The following PCSK5 variants were observed in gnomAD, a reference collection of about 807,000 sequenced individuals.
The protein encoded by PCSK5 is proprotein convertase subtilisin/kexin type 5, also known as prohormone convertase 5.
A neutral mutation model predicts 233.2 loss-of-function variants in PCSK5; 129 were observed. The ratio of observed to expected loss-of-function variants is 0.55; its 90% CI spans 0.48 to 0.64. The LOEUF is 0.64. Among genes scored for constraint, PCSK5 ranks in the 30% least tolerant of loss-of-function variants. The pLI is 0.00. For missense variants in PCSK5, 2,076 were observed against 2,430.1 expected, an observed-to-expected ratio of 0.85 and a Z score of 3.06; for synonymous variants, 825 against 879.2, an observed-to-expected ratio of 0.94 and a Z score of 1.09.
At chr9:76,074,870 C>T (rs1007427143) in intron 7 of PCSK5, among the ~76,000 whole-genome samples, 1 of 152,132 alleles carries the variant, frequency 6.6e-6, no homozygotes, top group African/African-American at 2.4e-5. Flanking sequence ...ATACCATTTC[C>T]ACAGTGCCTA....
chr9:76,064,434 T>C (rs13287955), intron 5 of PCSK5, among the ~76,000 whole-genome samples: 1 of 116,528 alleles, frequency 8.6e-6, no homozygotes, highest in Non-Finnish European at 1.8e-5. Flanking sequence ...CCCTCCCGGA[T>C]GGCACGGCTG....
chr9:76,021,721 G>T (rs1230672460), intron 3 of PCSK5, among the ~76,000 whole-genome samples: 2 of 152,076 alleles, frequency 1.3e-5, no homozygotes, highest in Admixed American at 6.6e-5. Context: ...CTCATTTGGG[G>T]AATAAATTAA....
chr9:76,161,388 T>G (rs1822846077), intron 12 of PCSK5, among the ~76,000 whole-genome samples: 1 of 151,990 alleles, frequency 6.6e-6, no homozygotes, highest in African/African-American at 2.4e-5. Context: ...ATTACGTGAT[T>G]AATGAAAGTC....
chr9:76,038,750 T>G (rs1313191670), intron 5 of PCSK5, among the ~76,000 whole-genome samples: 1 of 152,188 alleles, frequency 6.6e-6, no homozygotes, highest in African/African-American at 2.4e-5. Context: ...AGGAACAATC[T>G]TAGATGCAGC....
chr9:75,912,183 G>C (rs537043433), intron 1 of PCSK5, among the ~76,000 whole-genome samples: 1 of 152,022 alleles, frequency 6.6e-6, no homozygotes, highest in East Asian at 1.9e-4. Context: ...GGAAGTCTTC[G>C]TGGAGAAGGT....
rs570572375 is a variant in PCSK5, at chr9:76,144,098, A to G, written c.1312+9886A>G. On this transcript the variant is annotated intron_variant, in intron 10 of 37. Coordinates refer to ENST00000674117, the MANE Select transcript of PCSK5 (RefSeq NM_001372043.1). Reference sequence around the variant, plus strand: ...AATGACAGAAGCACTTAGGGTTTATAAATGACTTTTCCTCCTTCCGAAGTA... The same window carrying G: ...AATGACAGAAGCACTTAGGGTTTATGAATGACTTTTCCTCCTTCCGAAGTA... Among the ~76,000 whole-genome samples the G allele has an allele frequency of 1.3e-4, 20 of 151,076 alleles. No individual in the cohort carries two copies. The South Asian group carries it at 4.1e-3, about 31-fold the overall frequency.
chr9:76,264,699 G>A (rs1199062860), intron 24 of PCSK5, among the ~76,000 whole-genome samples: 1 of 151,982 alleles, frequency 6.6e-6, no homozygotes, highest in Admixed American at 6.6e-5. Context: ...AAATCAAAAC[G>A]AAAAGGTAAC....
At chr9:75,991,071 A>G (rs1433589796) in intron 3 of PCSK5, among the ~76,000 whole-genome samples, 2 of 152,212 alleles carry the variant, frequency 1.3e-5, no homozygotes, top group African/African-American at 4.8e-5. Context: ...CAGTGAGTTA[A>G]TAACTACAGT....
chr9:75,952,447 T>C (rs369802151), intron 2 of PCSK5, among the ~76,000 whole-genome samples: 8 of 152,342 alleles, frequency 5.3e-5, no homozygotes, highest in Admixed American at 3.3e-4. Flanking sequence ...GCATACTTTT[T>C]GAAAATTTAA....
chr9:76,147,919 C>T (rs1350231007), intron 10 of PCSK5, among the ~76,000 whole-genome samples: 3 of 152,076 alleles, frequency 2.0e-5, no homozygotes, highest in African/African-American at 4.8e-5. Flanking sequence ...TTGTATCACT[C>T]GTAAAGGGGG....
chr9:76,347,369 A>G (rs13300668), intron 35 of PCSK5, among the ~76,000 whole-genome samples: 56,143 of 152,054 alleles, frequency 0.37, 10,463 homozygotes, highest in Middle Eastern at 0.52. Context: ...CTTAGAAGCA[A>G]TGATAGATGT....
intron 3 of PCSK5, among the ~76,000 whole-genome samples, chr9:76,002,829 G>A (rs1463331129): frequency 6.6e-6 from 1 of 152,166 alleles, no homozygotes; most frequent in South Asian, 2.1e-4. Context: ...GCCACTCAGT[G>A]TAGCCCTGAT....
At chr9:76,312,070 G>A (rs1344137677) in intron 30 of PCSK5, among the ~76,000 whole-genome samples, 1 of 152,208 alleles carries the variant, frequency 6.6e-6, no homozygotes, top group Non-Finnish European at 1.5e-5. Context: ...ATTCACGCCT[G>A]AACATCCAAG....
chr9:75,961,268 C>T (rs1355400872), intron 2 of PCSK5, among the ~76,000 whole-genome samples: 8 of 152,214 alleles, frequency 5.3e-5, no homozygotes, highest in African/African-American at 1.9e-4. Context: ...ATGCCACTCA[C>T]TTGCTACAAA....
intron 9 of PCSK5, among the ~76,000 whole-genome samples, chr9:76,107,753 C>T (rs1228473254): frequency 6.6e-6 from 1 of 152,180 alleles, no homozygotes; most frequent in Non-Finnish European, 1.5e-5. Context: ...GACAATAGCA[C>T]AGTCACAGAC....
chr9:76,205,739 A>G (rs934464262), intron 20 of PCSK5, among the ~76,000 whole-genome samples: 2 of 152,222 alleles, frequency 1.3e-5, no homozygotes, highest in African/African-American at 4.8e-5. Flanking sequence ...GAAATAAAAT[A>G]CAGATGATGT....
At chr9:76,156,880 T>A (rs1822608846) in intron 10 of PCSK5, among the ~76,000 whole-genome samples, 165 bp from the exon 11 acceptor site, 1 of 152,230 alleles carries the variant, frequency 6.6e-6, no homozygotes, top group Non-Finnish European at 1.5e-5. Context: ...ATATGTCTTA[T>A]TTTCTTGACA....
At chr9:76,192,685 C>T (rs967233010) in intron 20 of PCSK5, among the ~76,000 whole-genome samples, 4 of 139,838 alleles carry the variant, frequency 2.9e-5, no homozygotes, top group African/African-American at 1.1e-4. Flanking sequence ...GTTCAATATT[C>T]GAAGGAAAGA....
chr9:75,971,347 G>T (rs1337746141), intron 2 of PCSK5, among the ~76,000 whole-genome samples: 1 of 152,054 alleles, frequency 6.6e-6, no homozygotes, highest in Admixed American at 6.5e-5. Context: ...TTGGCATTTG[G>T]GTTGATTCCA....
Sources: allele counts gnomAD v4.1 joint callset (sites outside exome capture counted in the v4.1 genomes callset), GRCh38; gene constraint gnomAD v4.1.1; transcripts MANE v1.5; gene names NCBI Gene and HGNC (gene_info 2026-07-23, HGNC 2026-07-21).